DOCK4: variants seen among roughly 807,000 people sequenced by gnomAD.
DOCK4 encodes the protein dedicator of cytokinesis 4.
In DOCK4, 97 loss-of-function variants were observed where a neutral mutation model predicts 268.1. That is an observed-to-expected ratio of 0.36 (90% CI 0.31 to 0.43). The LOEUF (loss-of-function observed/expected upper bound fraction) is 0.43. Ranked by LOEUF, DOCK4 falls within the 20% of genes least tolerant of loss-of-function variation. The pLI, the probability that DOCK4 is intolerant of heterozygous loss-of-function variation, is 1.00. For synonymous variants in DOCK4, 954 were observed against 887.2 expected, an observed-to-expected ratio of 1.08 and a Z score of -1.34; for missense variants, 2,145 against 2,455.7, an observed-to-expected ratio of 0.87 and a Z score of 2.67.
chr7:111,995,222 AG>A (rs1220698499), intron 4 of DOCK4, among the ~76,000 whole-genome samples: 2 of 151,882 alleles, frequency 1.3e-5, no homozygotes, highest in African/African-American at 4.8e-5. Flanking sequence ...TAGTAGAGAC[AG>A]GGTTTTACCG....
rs569686115 is a variant in DOCK4 at position 111,794,249 on chromosome 7, C to T, written c.3167-3644G>A. Among the ~76,000 whole-genome samples the T allele has an allele frequency of 5.9e-5, 9 of 152,186 alleles. No homozygotes were observed. The East Asian group carries it at 1.4e-3, about 23-fold the overall frequency. Reference sequence around the variant, plus strand: ...ACAGGAGCCAACTTAAGATGGAAGGCAAGATCACAACTTCAGTTTGGGGCA... The same window carrying T: ...ACAGGAGCCAACTTAAGATGGAAGGTAAGATCACAACTTCAGTTTGGGGCA... On this transcript the variant is annotated intron_variant, in intron 30 of 52. Transcript: ENST00000428084.
chr7:112,075,201 C>T (rs760788914), intron 1 of DOCK4, among the ~76,000 whole-genome samples: 1 of 152,164 alleles, frequency 6.6e-6, no homozygotes, highest in African/African-American at 2.4e-5. Context: ...GAGCCAGGCA[C>T]TTAAAAGAAG....
intron 52 of DOCK4, among the ~76,000 whole-genome samples, chr7:111,730,189 T>C (rs1268759222): frequency 1.3e-5 from 2 of 152,150 alleles, no homozygotes; most frequent in African/African-American, 4.8e-5. Flanking sequence ...AGTCCTAAGA[T>C]AGATGCTCTG....
chr7:111,767,655 C>T (rs1797849590), intron 37 of DOCK4, among the ~76,000 whole-genome samples: 1 of 152,120 alleles, frequency 6.6e-6, no homozygotes, highest in African/African-American at 2.4e-5. Context: ...ATATATTGTA[C>T]ATGAACTATA....
At position 112,071,816 on chromosome 7, in the gene DOCK4, T is replaced by C. The variant is rs145116212; in HGVS notation, c.38-67685A>G. Among the ~76,000 whole-genome samples, 399 of 152,316 alleles carry C rather than the reference T, an allele frequency of 2.6e-3. 3 individuals are homozygous for C. Among genetic ancestry groups the C allele is most frequent in the African/African-American group, 8.5e-3 (353 of 41,576 alleles). ...AATGTACCAACAGCAATATGTAATATTGACAGAAATAAATCTATTAGGAAG... is the reference window on the plus strand; with the variant it reads ...AATGTACCAACAGCAATATGTAATACTGACAGAAATAAATCTATTAGGAAG... On this transcript the variant is annotated intron_variant, in intron 1 of 52. Coordinates refer to ENST00000428084, the MANE Select transcript of DOCK4 (RefSeq NM_001363540.2).
At chr7:111,730,569 A>AGGTCT (rs1214252294) in intron 52 of DOCK4, among the ~76,000 whole-genome samples, 8 of 152,272 alleles carry the variant, frequency 5.3e-5, no homozygotes, top group Admixed American at 3.9e-4. Flanking sequence ...CCTGAAATTC[A>AGGTCT]AAATATGGCA....
chr7:112,074,495 C>G (rs1345756453), intron 1 of DOCK4, among the ~76,000 whole-genome samples: 2 of 152,158 alleles, frequency 1.3e-5, no homozygotes, highest in African/African-American at 4.8e-5. Context: ...TTCTGCAAAC[C>G]TCATTTCTGC....
At chr7:111,861,482 C>T (rs570554916) in intron 23 of DOCK4, among the ~76,000 whole-genome samples, 22 of 152,042 alleles carry the variant, frequency 1.4e-4, no homozygotes, top group African/African-American at 5.3e-4. Flanking sequence ...TGTGGTGGCT[C>T]ACGCCTGTAA....
chr7:111,980,645 T>C (rs780093223), intron 7 of DOCK4, among the ~76,000 whole-genome samples: 1 of 152,218 alleles, frequency 6.6e-6, no homozygotes, highest in Non-Finnish European at 1.5e-5. Flanking sequence ...GTAGGACATC[T>C]AGCAGCTTTT....
intron 17 of DOCK4, among the ~76,000 whole-genome samples, chr7:111,874,615 C>A (rs556749374): frequency 6.6e-6 from 1 of 152,278 alleles, no homozygotes; most frequent in African/African-American, 2.4e-5. Context: ...ATGTTAGTTG[C>A]AAATTAGGAG....
intron 1 of DOCK4, among the ~76,000 whole-genome samples, chr7:112,152,043 A>G (rs1208971860): frequency 6.6e-6 from 1 of 152,098 alleles, no homozygotes; most frequent in African/African-American, 2.4e-5. Flanking sequence ...GAGACAGAGG[A>G]AAAAACCAAA....
chr7:111,793,114 T>C (rs1231500296), intron 30 of DOCK4, among the ~76,000 whole-genome samples: 1 of 152,218 alleles, frequency 6.6e-6, no homozygotes, highest in African/African-American at 2.4e-5. Context: ...AAGTATTCAC[T>C]CTCTATTATA....
At chr7:111,846,866 A>T in intron 24 of DOCK4, 133 bp downstream of exon 24, 6 of 1,046,744 alleles carry the variant, frequency 5.7e-6, no homozygotes, top group Non-Finnish European at 7.8e-6. Context: ...AGAAGCAAAA[A>T]GTCCAGCCCA....
rs1238582940 is a variant in DOCK4 at position 111,940,588 on chromosome 7, A to G, written c.845-346T>C. ...TAAAGGCAGTAATGGTGACTCTTCC[A>G]TTTTCTATTTTTAAACAAATTCCAT... On this transcript the variant is annotated intron_variant, in intron 10 of 52. Transcript: ENST00000428084. Among the ~76,000 whole-genome samples the G allele has an allele frequency of 3.9e-5, 6 of 152,164 alleles. No individual in the cohort carries two copies. The East Asian group carries it at 1.2e-3, about 29-fold the overall frequency.
chr7:111,958,661 C>T (rs1286313405), intron 8 of DOCK4, among the ~76,000 whole-genome samples: 1 of 152,178 alleles, frequency 6.6e-6, no homozygotes. Context: ...TGAGTTCACA[C>T]TGACTCTATG....
chr7:111,769,438 G>A (rs1280327331), intron 37 of DOCK4, 91 bp downstream of exon 37: 4 of 1,486,156 alleles, frequency 2.7e-6, no homozygotes, highest in South Asian at 1.2e-5. Flanking sequence ...CCTGCTTAAG[G>A]AGGTGGGCAT....
At chr7:111,863,198 TA>T (rs2134186100) in intron 23 of DOCK4, 173 bp downstream of exon 23, 1 of 654,876 alleles carries the variant, frequency 1.5e-6, no homozygotes. Flanking sequence ...AATAAAGTTT[TA>T]ATTGCCATAC....
At chr7:112,167,829 CATT>C (rs1430911529) in intron 1 of DOCK4, among the ~76,000 whole-genome samples, 1 of 152,062 alleles carries the variant, frequency 6.6e-6, no homozygotes, top group African/African-American at 2.4e-5. Flanking sequence ...CTTTTAATTT[CATT>C]ATTATAAAAT....
chr7:111,764,225 G>A (rs1328989550), intron 39 of DOCK4, among the ~76,000 whole-genome samples: 1 of 152,142 alleles, frequency 6.6e-6, no homozygotes, highest in African/African-American at 2.4e-5. Flanking sequence ...CTACCTATCT[G>A]TCTTTTTCAT....
Sources: allele counts gnomAD v4.1 joint callset (sites outside exome capture counted in the v4.1 genomes callset), GRCh38; gene constraint gnomAD v4.1.1; transcripts MANE v1.5; gene names NCBI Gene and HGNC (gene_info 2026-07-23, HGNC 2026-07-21).